RNF145: variants seen among roughly 807,000 people sequenced by gnomAD.
RNF145 encodes the protein ring finger protein 145.
A neutral mutation model predicts 57.3 loss-of-function variants in RNF145; 12 were observed. That is an observed-to-expected ratio of 0.21 (90% CI 0.13 to 0.34). RNF145 has a LOEUF of 0.34. RNF145 is among the 10% of genes least tolerant of loss of function. RNF145 has a pLI of 1.00. For synonymous variants in RNF145, 262 were observed against 288.3 expected (o/e 0.91, Z 0.92); for missense variants, 429 against 799.0 (o/e 0.54, Z 5.58).
chr5:159,209,529 G>T lies in RNF145; in HGVS notation c.-338C>A. 2.2e-5 allele frequency: 6 copies of T among 273,266 alleles called. No homozygotes were observed. In the South Asian group the frequency reaches 8.5e-4, roughly 39 times the overall value. 16.9% of individuals were successfully genotyped at this position (273,266 alleles called of 1,614,324 possible). On this transcript the variant is annotated 5_prime_UTR_variant, in exon 1 of 11. Transcript: ENST00000424310. ...TCGGCGGCCATGGCCTCCTGCGTTT[G>T]CTCCTCCCGCCCCCGGCGCTCTGCG... is the stretch of plus-strand genomic sequence containing the variant.
intron 3 of RNF145, among the ~76,000 whole-genome samples, chr5:159,186,908 T>C: frequency 6.7e-6 from 1 of 149,462 alleles, no homozygotes; most frequent in East Asian, 2.0e-4. Context: ...ACTTGAGCCC[T>C]GGAGGCGGAG....
chr5:159,196,867 T>A (rs888026360), intron 2 of RNF145, among the ~76,000 whole-genome samples: 4 of 152,186 alleles, frequency 2.6e-5, no homozygotes, highest in African/African-American at 9.6e-5. Context: ...AAACTGTCAT[T>A]TTCCTTTCCA....
chr5:159,163,171 A>G, intron 8 of RNF145, 92 bp from the exon 9 acceptor site: 3 of 1,171,508 alleles, frequency 2.6e-6, no homozygotes, highest in Non-Finnish European at 3.6e-6. Context: ...TGCCATGATC[A>G]AATTTCACAA....
At chr5:159,189,546 C>G (rs993232352) in intron 3 of RNF145, among the ~76,000 whole-genome samples, 1 of 152,178 alleles carries the variant, frequency 6.6e-6, no homozygotes, top group Non-Finnish European at 1.5e-5. Flanking sequence ...GGCAGTTTCT[C>G]AAAAGGTTAA....
At chr5:159,200,439 G>A (rs1294367115) in intron 2 of RNF145, among the ~76,000 whole-genome samples, 1 of 152,012 alleles carries the variant, frequency 6.6e-6, no homozygotes, top group East Asian at 1.9e-4. Flanking sequence ...AGTATATAAT[G>A]AGAAAAAAAT....
chr5:159,199,338 ACAAAT>A (rs1785583276), intron 2 of RNF145, among the ~76,000 whole-genome samples: 1 of 152,134 alleles, frequency 6.6e-6, no homozygotes, highest in South Asian at 2.1e-4. Context: ...TCTAAAGAAA[ACAAAT>A]CAAAAGAATC....
intron 6 of RNF145, among the ~76,000 whole-genome samples, chr5:159,170,090 G>C (rs1784498279): frequency 6.6e-6 from 1 of 152,164 alleles, no homozygotes; most frequent in Non-Finnish European, 1.5e-5. Flanking sequence ...AATTCAAAGA[G>C]CCTAAATGTT....
upstream of RNF145, chr5:159,209,941 G>A (rs1786054752): frequency 6.6e-7 from 1 of 1,522,836 alleles, no homozygotes; most frequent in Non-Finnish European, 8.8e-7. Context: ...TTTTAACCTC[G>A]TCACTGACTG....
intron 1 of RNF145, among the ~76,000 whole-genome samples, chr5:159,206,704 G>C (rs941574786): frequency 6.6e-6 from 1 of 152,058 alleles, no homozygotes; most frequent in Non-Finnish European, 1.5e-5. Flanking sequence ...ATATTCTCTT[G>C]AAAACAAAAT....
chr5:159,209,701 G>A (rs1343248100), upstream of RNF145: 6 of 1,022,522 alleles, frequency 5.9e-6, 1 homozygote, highest in Middle Eastern at 9.7e-4. Context: ...GGAGACATAA[G>A]CCTAGCCAAG....
intron 2 of RNF145, among the ~76,000 whole-genome samples, chr5:159,196,509 T>C (rs1029218669): frequency 1.3e-5 from 2 of 152,182 alleles, no homozygotes; most frequent in African/African-American, 4.8e-5. Context: ...TACAAATCTT[T>C]ATTAAGGCAC....
chr5:159,177,548 A>G (rs148450827), intron 4 of RNF145, among the ~76,000 whole-genome samples: 7 of 152,178 alleles, frequency 4.6e-5, no homozygotes, highest in Admixed American at 4.6e-4. Context: ...ATGTGACATG[A>G]TATTTGCATT....
intron 2 of RNF145, among the ~76,000 whole-genome samples, chr5:159,200,546 A>C (rs1785627161): frequency 6.6e-6 from 1 of 152,200 alleles, no homozygotes; most frequent in Non-Finnish European, 1.5e-5. Context: ...CAAAGATTTA[A>C]ATGTAAAAAT....
intron 3 of RNF145, among the ~76,000 whole-genome samples, chr5:159,184,660 CTAATAA>C (rs368135479): frequency 1.2e-3 from 188 of 152,204 alleles, no homozygotes; most frequent in African/African-American, 4.2e-3. Context: ...TTTCATTTAA[CTAATAA>C]TATTTCTATC....
intron 5 of RNF145, among the ~76,000 whole-genome samples, chr5:159,176,056 A>G (rs192300691): frequency 6.6e-6 from 1 of 152,274 alleles, no homozygotes; most frequent in African/African-American, 2.4e-5. Context: ...TATGTTGGCA[A>G]AGTCAATTCA....
At chr5:159,166,960 A>AAAATAAAT (rs57272070) in intron 8 of RNF145, among the ~76,000 whole-genome samples, 30 of 152,066 alleles carry the variant, frequency 2.0e-4, no homozygotes, top group African/African-American at 6.3e-4. Context: ...TCCATCTCTA[A>AAAATAAAT]AAATAAATAA....
intron 4 of RNF145, among the ~76,000 whole-genome samples, chr5:159,181,061 T>C (rs1230174384): frequency 2.7e-5 from 4 of 150,838 alleles, no homozygotes; most frequent in Admixed American, 6.6e-5. Context: ...CCAAACACCA[T>C]GTGTTCCCCC....
In RNF145 at chr5:159,209,333, C is replaced by T. The variant is rs1291260258; in HGVS notation, c.-142G>A. ...CCCTCCCGTTCTCCTCGGGCGGCGGCGGGGGCCGGTACGGCACGGCTCACA... is the reference window on the plus strand; with the variant it reads ...CCCTCCCGTTCTCCTCGGGCGGCGGTGGGGGCCGGTACGGCACGGCTCACA... On this transcript the variant is annotated 5_prime_UTR_variant, in exon 1 of 11. Coordinates refer to ENST00000424310, the MANE Select transcript of RNF145 (RefSeq NM_001199383.2). The T allele has an allele frequency of 2.0e-6, 2 of 985,624 alleles. No homozygotes were observed. Among genetic ancestry groups the T allele is most frequent in the Non-Finnish European group, 2.4e-6 (2 of 829,954 alleles). 61.1% of individuals were successfully genotyped at this position (985,624 alleles called of 1,614,324 possible). A position where few individuals can be genotyped will look rare whatever the true frequency, so the allele number is the denominator to read the frequency against.
chr5:159,188,782 C>T (rs545255749), intron 3 of RNF145, among the ~76,000 whole-genome samples: 14 of 152,148 alleles, frequency 9.2e-5, no homozygotes, highest in African/African-American at 3.4e-4. Flanking sequence ...ATATTCTAAA[C>T]AAGTTTTTAG....
Sources: allele counts gnomAD v4.1 joint callset (sites outside exome capture counted in the v4.1 genomes callset), GRCh38; gene constraint gnomAD v4.1.1; transcripts MANE v1.5; gene names NCBI Gene and HGNC (gene_info 2026-07-23, HGNC 2026-07-21).